The following ARID3A variants were observed in gnomAD, a reference collection of about 807,000 sequenced individuals.
The protein encoded by ARID3A is AT-rich interactive domain-containing protein 3A.
A neutral mutation model predicts 52.7 loss-of-function variants in ARID3A; 11 were observed. The ratio of observed to expected loss-of-function variants is 0.21; its 90% CI spans 0.13 to 0.35. The LOEUF (loss-of-function observed/expected upper bound fraction) is 0.35, where lower values mean the gene tolerates loss of function less well. Among genes scored for constraint, ARID3A ranks in the 10% least tolerant of loss-of-function variants. The pLI is 1.00. For synonymous variants in ARID3A, 404 were observed against 359.4 expected (o/e 1.12, Z -1.40); for missense variants, 721 against 838.5 (o/e 0.86, Z 1.73).
chr19:932,368 G>T, intron 2 of ARID3A, 50 bp from the exon 3 acceptor site: 1 of 1,568,458 alleles, frequency 6.4e-7, no homozygotes, highest in African/African-American at 1.4e-5. Context: ...TCCTTGGGCT[G>T]GGACGAGCCA....
At chr19:961,150 G>T (rs1328531543) in intron 4 of ARID3A, among the ~76,000 whole-genome samples, 1 of 152,296 alleles carries the variant, frequency 6.6e-6, no homozygotes, top group East Asian at 1.9e-4. Context: ...AGGCCTTGGG[G>T]CCCACAGAGG....
In ARID3A at chr19:942,961, G is replaced by A. The variant is rs2037588652; in HGVS notation, c.693+10219G>A. On this transcript the variant is annotated intron_variant, in intron 3 of 8. Transcript: ENST00000263620. The surrounding 1 kb of genome is among the most constrained non-coding windows in gnomAD (Gnocchi z 8.1). ...CAGTGAGGTCCTGCAGCGTACGGTG[G>A]CCCCAAATCCCATGCCGGTCGGTTG... 1.3e-5 allele frequency among the ~76,000 whole-genome samples: 2 copies of A among 152,146 alleles called. No homozygotes were observed.
intron 3 of ARID3A, among the ~76,000 whole-genome samples, chr19:955,391 C>G (rs888584377): frequency 6.6e-6 from 1 of 152,204 alleles, no homozygotes. Flanking sequence ...CTGGGGCCCC[C>G]GCAGGTCCTC....
At chr19:937,669 C>G (rs906038549) in intron 3 of ARID3A, among the ~76,000 whole-genome samples, 1 of 150,744 alleles carries the variant, frequency 6.6e-6, no homozygotes, top group African/African-American at 2.4e-5. Context: ...GTTCCAGTTC[C>G]TCTACATCCT....
At chr19:971,104 G>T (rs2145477276) in intron 8 of ARID3A, among the ~76,000 whole-genome samples, 1 of 152,322 alleles carries the variant, frequency 6.6e-6, no homozygotes, top group South Asian at 2.1e-4. Flanking sequence ...ATGTGCATGT[G>T]TGGATTAAAC....
At chr19:937,808 G>A (rs925667740) in intron 3 of ARID3A, among the ~76,000 whole-genome samples, 13 of 144,690 alleles carry the variant, frequency 9.0e-5, no homozygotes, top group Non-Finnish European at 1.5e-4. Flanking sequence ...CCGGGTTCAC[G>A]CCATTCTCCT....
rs1353051807 is a variant in ARID3A, at chr19:968,470, A to G, written c.1561A>G (p.Met521Val). 15 of 1,614,024 alleles carry G rather than the reference A, an allele frequency of 9.3e-6. No individual in the cohort carries two copies. Among genetic ancestry groups the G allele is most frequent in the Admixed American group, 3.3e-5 (2 of 60,016 alleles). The change falls in exon 8 of 9, where the codon ATG (methionine) becomes GTG (valine). Residue 521 changes from methionine to valine, a missense_variant. This residue lies in a region of ARID3A where 297 missense variants were observed against 343.2 expected (regional missense o/e 0.87). Coordinates refer to ENST00000263620, the MANE Select transcript of ARID3A (RefSeq NM_005224.3). ...TGTNGSNSIS[M>V]SVEINGIMYT... is the part of the protein sequence containing the mutation. ...CACCAACGGCAGCAACAGCATCAGCATGTCGGTGGAGATCAACGGCATCAT... is the reference window on the plus strand; with the variant it reads ...CACCAACGGCAGCAACAGCATCAGCGTGTCGGTGGAGATCAACGGCATCAT...
chr19:967,229 G>A (rs906694927), intron 7 of ARID3A, among the ~76,000 whole-genome samples: 2 of 152,134 alleles, frequency 1.3e-5, no homozygotes, highest in Non-Finnish European at 2.9e-5. Flanking sequence ...CTGCACTCCA[G>A]CCTGGGCAAC....
chr19:956,170 C>T (rs574334508), intron 3 of ARID3A, among the ~76,000 whole-genome samples: 4 of 152,282 alleles, frequency 2.6e-5, no homozygotes, highest in African/African-American at 9.6e-5. Context: ...GCGTTCACCC[C>T]AGGACAGCCC....
Position 940,608 on chromosome 19 carries a change from G to A in ARID3A, c.693+7866G>A, listed in dbSNP as rs986211826. Reference sequence around the variant, plus strand: ...GGAGGAGAATTTTCCCAGCACAGGCGGGTGCTCTAGGCAGATGGTGCAGCT... The same window carrying A: ...GGAGGAGAATTTTCCCAGCACAGGCAGGTGCTCTAGGCAGATGGTGCAGCT... On this transcript the variant is annotated intron_variant, in intron 3 of 8. Coordinates refer to ENST00000263620, the MANE Select transcript of ARID3A (RefSeq NM_005224.3). Among the ~76,000 whole-genome samples the A allele has an allele frequency of 2.6e-4, 40 of 152,306 alleles. No homozygotes were observed. In the East Asian group the frequency reaches 3.5e-3, roughly 13 times the overall value.
chr19:943,113 T>C (rs2037592279), intron 3 of ARID3A, among the ~76,000 whole-genome samples: 1 of 151,536 alleles, frequency 6.6e-6, no homozygotes, highest in African/African-American at 2.4e-5. Context: ...CTACACAAAT[T>C]AGCTGGGTGT....
rs780825896 is a variant in ARID3A at position 929,837 on chromosome 19, G to C, written c.309G>C (p.Gly103=). The C allele has an allele frequency of 6.5e-7, 1 of 1,545,168 alleles. No individual in the cohort carries two copies. The highest frequency in any genetic ancestry group is 1.2e-5 in the South Asian group (1 of 84,122). ...AAREGTPGSP[G]RGREGPGEEH... is the part of the protein sequence containing the mutation. Reference sequence around the variant, plus strand: ...GGGAGGGGACACCGGGCTCACCCGGGCGAGGCAGAGAAGGGCCAGGAGAGG... The same window carrying C: ...GGGAGGGGACACCGGGCTCACCCGGCCGAGGCAGAGAAGGGCCAGGAGAGG... Residue 103 remains glycine (G), a synonymous_variant, in exon 2 of 9, where the codon GGG becomes GGC. Coordinates refer to ENST00000263620, the MANE Select transcript of ARID3A (RefSeq NM_005224.3). The surrounding 1 kb of genome is among the most constrained non-coding windows in gnomAD (Gnocchi z 6.2).
chr19:930,804 C>A (rs979432584), intron 2 of ARID3A, among the ~76,000 whole-genome samples: 2 of 151,902 alleles, frequency 1.3e-5, no homozygotes, highest in African/African-American at 4.8e-5. Context: ...CCACCACACC[C>A]GGCCAACTTT....
rs1307122929 is a variant in ARID3A, at chr19:964,762, T to G, written c.951-71T>G. The G allele has an allele frequency of 3.6e-5, 56 of 1,555,430 alleles. No individual in the cohort carries two copies. In the South Asian group the frequency reaches 6.5e-4, roughly 18 times the overall value. Reference sequence around the variant, plus strand: ...ATGGTGGTGCCACAGTGGGGTTTACTTTGTACTGAAGGCCAAAGAGAGCCG... The same window carrying G: ...ATGGTGGTGCCACAGTGGGGTTTACGTTGTACTGAAGGCCAAAGAGAGCCG... On this transcript the variant is annotated intron_variant, in intron 5 of 8. Transcript: ENST00000263620. The surrounding 1 kb of genome is among the most constrained non-coding windows in gnomAD (Gnocchi z 5.7).
rs138948825 is a variant in ARID3A at position 934,216 on chromosome 19, C to T, written c.693+1474C>T. Among the ~76,000 whole-genome samples the T allele has an allele frequency of 7.6e-4, 116 of 152,220 alleles. 1 individual carries two copies. In the South Asian group the frequency reaches 9.5e-3, roughly 13 times the overall value. ...GCCAAGCCGAGAGGGAGGGTCAAGG[C>T]CCCCCATTCAGTCGGTCCTTCGGGG... On this transcript the variant is annotated intron_variant, in intron 3 of 8. Transcript: ENST00000263620.
intron 2 of ARID3A, among the ~76,000 whole-genome samples, chr19:930,511 G>GT (rs79154229): frequency 0.044 from 5,925 of 134,820 alleles, 406 homozygotes; most frequent in African/African-American, 0.15. Context: ...AAGAATGTGG[G>GT]TTTTTTTTTT....
intron 4 of ARID3A, among the ~76,000 whole-genome samples, chr19:963,101 C>T (rs752636559): frequency 2.0e-5 from 3 of 152,064 alleles, no homozygotes; most frequent in Non-Finnish European, 4.4e-5. Flanking sequence ...CCGGGGGTTC[C>T]GGGGGTAGCA....
At chr19:967,609 C>G (rs1385036890) in intron 7 of ARID3A, among the ~76,000 whole-genome samples, 1 of 151,994 alleles carries the variant, frequency 6.6e-6, no homozygotes, top group African/African-American at 2.4e-5. Flanking sequence ...TACACTTATT[C>G]AACAAATAAA....
chr19:948,336 T>G (rs2037730417), intron 3 of ARID3A, among the ~76,000 whole-genome samples: 1 of 152,040 alleles, frequency 6.6e-6, no homozygotes, highest in Non-Finnish European at 1.5e-5. Context: ...TGGCTGGCCC[T>G]GTGGTCCACG....
Sources: allele counts gnomAD v4.1 joint callset (sites outside exome capture counted in the v4.1 genomes callset), GRCh38; gene constraint gnomAD v4.1.1; regional missense constraint gnomAD v4.1.1; non-coding constraint Gnocchi (gnomAD v3.1); transcripts MANE v1.5; gene names NCBI Gene and HGNC (gene_info 2026-07-23, HGNC 2026-07-21).